The following CDH12 variants were observed in gnomAD, a reference collection of about 807,000 sequenced individuals.
The protein encoded by CDH12 is cadherin 12.
In CDH12, 41 loss-of-function variants were observed where a neutral mutation model predicts 74.1. The observed-to-expected ratio is 0.55, with a 90% CI of 0.43 to 0.72. The LOEUF is 0.72. CDH12 is among the 30% of genes least tolerant of loss of function. The pLI, the probability that CDH12 is intolerant of heterozygous loss-of-function variation, is 0.00. For synonymous variants in CDH12, 399 were observed against 355.0 expected (o/e 1.12, Z -1.39); for missense variants, 945 against 977.2 (o/e 0.97, Z 0.44).
intron 1 of CDH12, among the ~76,000 whole-genome samples, chr5:22,718,853 T>G (rs1743726368): frequency 6.6e-6 from 1 of 152,168 alleles, no homozygotes; most frequent in Non-Finnish European, 1.5e-5. Flanking sequence ...GCTAAACCCA[T>G]CTGTGACTCC....
intron 4 of CDH12, among the ~76,000 whole-genome samples, chr5:22,104,002 G>A (rs1744293069): frequency 6.6e-6 from 1 of 152,150 alleles, no homozygotes; most frequent in Admixed American, 6.5e-5. Context: ...TGTAAGGGTT[G>A]TATTCACTGA....
At chr5:22,189,911 A>C (rs1350237911) in intron 4 of CDH12, among the ~76,000 whole-genome samples, 1 of 151,790 alleles carries the variant, frequency 6.6e-6, no homozygotes, top group Non-Finnish European at 1.5e-5. Context: ...GTGCTTTTCT[A>C]AGACGTGTTT....
chr5:22,365,426 T>A (rs1481482316), intron 3 of CDH12, among the ~76,000 whole-genome samples: 4 of 152,230 alleles, frequency 2.6e-5, no homozygotes, highest in Non-Finnish European at 2.9e-5. Context: ...AAATGACTTC[T>A]AGATGCCCAG....
chr5:21,802,326 T>C lies in CDH12; in HGVS notation c.1097A>G (p.Lys366Arg), dbSNP rs750781905. ...DHRFHSAGPF[K>R]DTATVKISVL... ...GCTGATCTTCACCGTAGCTGTGTCT[T>C]TGAAAGGGCCCGCCGAGTGAAACCG... The change falls in exon 10 of 15, where the codon AAA becomes AGA. Residue 366 changes from lysine (K) to arginine (R), a missense_variant. By Grantham distance (26) the Lys-to-Arg change is conservative (BLOSUM62 2). Around this residue, in one of 3 missense-constraint regions of CDH12, gnomAD observed 791 missense variants for 792.8 expected, o/e 1.00. Transcript: ENST00000382254. The C allele has an allele frequency of 7.4e-6, 12 of 1,613,872 alleles. No homozygotes were observed. The highest frequency in any genetic ancestry group is 1.0e-5 in the Non-Finnish European group (12 of 1,179,952).
intron 3 of CDH12, among the ~76,000 whole-genome samples, chr5:22,220,600 G>GAATAGAAA (rs1189616914): frequency 4.7e-5 from 4 of 85,492 alleles, no homozygotes. Context: ...GCTTGAGAAA[G>GAATAGAAA]GGATAATTTT....
chr5:21,926,638 C>T (rs955080512), intron 6 of CDH12, among the ~76,000 whole-genome samples: 1 of 152,044 alleles, frequency 6.6e-6, no homozygotes, highest in Non-Finnish European at 1.5e-5. Context: ...TAAGTACCCT[C>T]CATAAAAGCA....
At chr5:22,816,610 G>C (rs1749405203) in intron 1 of CDH12, among the ~76,000 whole-genome samples, 1 of 152,138 alleles carries the variant, frequency 6.6e-6, no homozygotes, top group Non-Finnish European at 1.5e-5. Flanking sequence ...TGCAAAAGAA[G>C]ATAATTTAAC....
intron 4 of CDH12, among the ~76,000 whole-genome samples, chr5:22,166,140 C>T (rs1748668493): frequency 6.6e-6 from 1 of 152,100 alleles, no homozygotes; most frequent in Non-Finnish European, 1.5e-5. Flanking sequence ...GGCCCCTTTT[C>T]AGTAACACTT....
chr5:21,866,818 C>T (rs983325938), intron 6 of CDH12, among the ~76,000 whole-genome samples: 5 of 152,120 alleles, frequency 3.3e-5, no homozygotes, highest in African/African-American at 1.2e-4. Context: ...GTCTCCAGGG[C>T]ATGTCAGAGA....
At chr5:22,485,414 C>T (rs1441240811) in intron 2 of CDH12, among the ~76,000 whole-genome samples, 2 of 152,160 alleles carry the variant, frequency 1.3e-5, no homozygotes, top group Non-Finnish European at 2.9e-5. Context: ...TGGTCTTAAA[C>T]TCCTGGCTTC....
At chr5:22,144,570 A>G (rs1426428552) in intron 4 of CDH12, among the ~76,000 whole-genome samples, 1 of 152,142 alleles carries the variant, frequency 6.6e-6, no homozygotes, top group African/African-American at 2.4e-5. Flanking sequence ...AAATTGGGAT[A>G]AAAATGTGCA....
intron 1 of CDH12, among the ~76,000 whole-genome samples, chr5:22,555,265 A>G (rs1245141641): frequency 6.6e-6 from 1 of 152,078 alleles, no homozygotes; most frequent in Non-Finnish European, 1.5e-5. Flanking sequence ...TAAAAACACA[A>G]CTAGAAAGCA....
At chr5:22,681,229 G>A (rs1741470918) in intron 1 of CDH12, among the ~76,000 whole-genome samples, 1 of 129,256 alleles carries the variant, frequency 7.7e-6, no homozygotes, top group Admixed American at 7.6e-5. Context: ...GTATTGGGGG[G>A]TGTGTGTGTG....
At chr5:22,652,809 G>C (rs1220806242) in intron 1 of CDH12, among the ~76,000 whole-genome samples, 2 of 152,124 alleles carry the variant, frequency 1.3e-5, no homozygotes, top group Non-Finnish European at 2.9e-5. Context: ...AAGGGAGTTA[G>C]ATAGTAAAAG....
intron 3 of CDH12, among the ~76,000 whole-genome samples, chr5:22,286,291 A>G (rs1029783288): frequency 6.6e-6 from 1 of 152,200 alleles, no homozygotes; most frequent in Non-Finnish European, 1.5e-5. Context: ...AATTTTTGCA[A>G]TAATTTTCTC....
At chr5:22,512,617 G>A (rs1367768794) in intron 1 of CDH12, among the ~76,000 whole-genome samples, 1 of 152,180 alleles carries the variant, frequency 6.6e-6, no homozygotes, top group Admixed American at 6.5e-5. Context: ...CTTGTAAGAA[G>A]CTGCAACTTG....
intron 6 of CDH12, among the ~76,000 whole-genome samples, chr5:21,952,151 G>A (rs546702922): frequency 1.8e-4 from 28 of 152,268 alleles, no homozygotes; most frequent in African/African-American, 4.6e-4. Context: ...TGCTGTTGCC[G>A]TTAGTTATCA....
chr5:22,827,500 C>G (rs775911581), intron 1 of CDH12, among the ~76,000 whole-genome samples: 1 of 152,116 alleles, frequency 6.6e-6, no homozygotes, highest in African/African-American at 2.4e-5. Context: ...GTGGGAGCCC[C>G]CACAAAGACT....
chr5:22,563,280 G>A (rs1480352449), intron 1 of CDH12, among the ~76,000 whole-genome samples: 1 of 151,938 alleles, frequency 6.6e-6, no homozygotes, highest in African/African-American at 2.4e-5. Flanking sequence ...TTTTAACTGA[G>A]GTGAGATAAA....
Sources: gnomAD v4.1 joint callset for allele counts (sites outside exome capture counted in the v4.1 genomes callset) on GRCh38, gnomAD v4.1.1 for gene constraint, gnomAD v4.1.1 regional missense constraint, MANE v1.5 for transcripts, NCBI Gene and HGNC (gene_info 2026-07-23, HGNC 2026-07-21) for gene names.